The following MYT1L variants were observed in gnomAD, a reference collection of about 807,000 sequenced individuals.
MYT1L encodes the protein myelin transcription factor 1-like protein.
Under a neutral mutation model 126.7 loss-of-function variants are expected in MYT1L, and 12 were observed. The observed-to-expected ratio is 0.09, with a 90% CI of 0.06 to 0.15. MYT1L has a LOEUF of 0.15. MYT1L is among the 10% of genes least tolerant of loss of function. The pLI, the probability that MYT1L is intolerant of heterozygous loss-of-function variation, is 1.00. For missense variants in MYT1L, 979 were observed against 1,585.2 expected, an observed-to-expected ratio of 0.62 and a Z score of 6.49; for synonymous variants, 541 against 604.2, an observed-to-expected ratio of 0.90 and a Z score of 1.53.
intron 8 of MYT1L, among the ~76,000 whole-genome samples, chr2:1,949,252 T>C (rs541070110): frequency 6.6e-6 from 1 of 152,218 alleles, no homozygotes; most frequent in South Asian, 2.1e-4. Context: ...CCAAGACACT[T>C]TGGGTAGAGT....
chr2:1,924,858 T>A (rs904477143), intron 9 of MYT1L, among the ~76,000 whole-genome samples: 3 of 152,186 alleles, frequency 2.0e-5, no homozygotes, highest in African/African-American at 7.2e-5. Flanking sequence ...GAAGTATTAA[T>A]CTCCAACATA....
intron 13 of MYT1L, among the ~76,000 whole-genome samples, chr2:1,905,223 T>C (rs1233510149): frequency 6.6e-6 from 1 of 152,060 alleles, no homozygotes; most frequent in Non-Finnish European, 1.5e-5. Context: ...AAGCAGAGAG[T>C]TTCTTGTTGA....
intron 4 of MYT1L, among the ~76,000 whole-genome samples, chr2:2,011,456 T>C (rs773866666): frequency 6.6e-6 from 1 of 150,880 alleles, no homozygotes; most frequent in Non-Finnish European, 1.5e-5. Flanking sequence ...ACTATACAAC[T>C]CTCAGATTTG....
chr2:2,009,758 C>T (rs897529805), intron 4 of MYT1L, among the ~76,000 whole-genome samples: 7 of 152,102 alleles, frequency 4.6e-5, no homozygotes, highest in African/African-American at 1.2e-4. Flanking sequence ...ATAGAAGTGG[C>T]GAGAGAGGGC....
chr2:2,004,261 T>C (rs1461338636), intron 4 of MYT1L, among the ~76,000 whole-genome samples: 1 of 141,916 alleles, frequency 7.0e-6, no homozygotes, highest in Admixed American at 7.0e-5. Context: ...CTGCAGGCGT[T>C]CTTTCCTGCA....
chr2:1,882,218 C>T (rs376670046), intron 18 of MYT1L, among the ~76,000 whole-genome samples: 27 of 152,264 alleles, frequency 1.8e-4, no homozygotes, highest in Admixed American at 5.2e-4. Flanking sequence ...GAGCTCAATC[C>T]CCGTGCCCTG....
chr2:2,289,136 G>T (rs900811027), intron 1 of MYT1L, among the ~76,000 whole-genome samples: 6 of 152,150 alleles, frequency 3.9e-5, no homozygotes, highest in Admixed American at 2.6e-4. Context: ...AGCAGAGTAA[G>T]ACTGAAGACA....
At chr2:1,962,291 A>G (rs1193631710) in intron 8 of MYT1L, among the ~76,000 whole-genome samples, 1 of 152,278 alleles carries the variant, frequency 6.6e-6, no homozygotes, top group East Asian at 1.9e-4. Context: ...AAATAAATAC[A>G]TAAATATTTG....
intron 3 of MYT1L, among the ~76,000 whole-genome samples, chr2:2,080,145 A>G (rs893404106): frequency 2.6e-5 from 4 of 152,216 alleles, no homozygotes; most frequent in Admixed American, 6.5e-5. Flanking sequence ...TTGGACAGGT[A>G]TCACACCATA....
intron 14 of MYT1L, 67 bp downstream of exon 14, chr2:1,903,013 G>A (rs1442374979): frequency 7.0e-7 from 1 of 1,420,524 alleles, no homozygotes; most frequent in Admixed American, 1.7e-5. Flanking sequence ...GTAGGACATT[G>A]ATATACACAA....
At chr2:2,182,680 C>T (rs369156801) in intron 2 of MYT1L, among the ~76,000 whole-genome samples, 2 of 152,288 alleles carry the variant, frequency 1.3e-5, no homozygotes, top group South Asian at 2.1e-4. Context: ...AAGGCATGCT[C>T]TCTTTTTCAT....
intron 21 of MYT1L, among the ~76,000 whole-genome samples, chr2:1,834,442 T>C (rs751434586): frequency 1.3e-5 from 2 of 152,248 alleles, no homozygotes; most frequent in Non-Finnish European, 2.9e-5. Flanking sequence ...TCTATTAAAA[T>C]TGATGAAGGC....
intron 4 of MYT1L, among the ~76,000 whole-genome samples, chr2:2,031,084 C>A (rs2149915061): frequency 6.6e-6 from 1 of 152,340 alleles, no homozygotes; most frequent in South Asian, 2.1e-4. Flanking sequence ...CTAATTTCAG[C>A]AAAACAACTC....
intron 21 of MYT1L, chr2:1,828,803 G>C (rs902062081): frequency 6.6e-6 from 1 of 152,100 alleles, no homozygotes; most frequent in African/African-American, 2.4e-5. Context: ...AAAATAAATA[G>C]AACAATTCAC....
intron 19 of MYT1L, 53 bp from the exon 20 acceptor site, chr2:1,840,896 C>CTTTTTTTTTTTTTTTTTTTTTT (rs1316416056): frequency 1.0e-6 from 1 of 962,120 alleles, no homozygotes; most frequent in African/African-American, 2.1e-5. Flanking sequence ...TTTCAGTGAG[C>CTTTTTTTTTTTTTTTTTTTTTT]TTTCTTTCTT....
intron 19 of MYT1L, among the ~76,000 whole-genome samples, chr2:1,850,582 T>C (rs1038812155): frequency 7.9e-5 from 12 of 152,174 alleles, no homozygotes; most frequent in Non-Finnish European, 1.8e-4. Context: ...ACCAAAACTT[T>C]AGTTGAGCTC....
At chr2:1,926,691 T>C (rs1199781697) in intron 9 of MYT1L, among the ~76,000 whole-genome samples, 2 of 152,190 alleles carry the variant, frequency 1.3e-5, no homozygotes, top group African/African-American at 4.8e-5. Context: ...GCCTGCTGAG[T>C]AGCTGGGACT....
At chr2:2,219,096 C>T (rs758020242) in intron 2 of MYT1L, among the ~76,000 whole-genome samples, 27 of 152,154 alleles carry the variant, frequency 1.8e-4, no homozygotes, top group Admixed American at 3.9e-4. Context: ...GATGTTGTCT[C>T]GCCGTCACAT....
intron 18 of MYT1L, among the ~76,000 whole-genome samples, chr2:1,858,247 T>A (rs12714316): frequency 0.017 from 2,634 of 152,302 alleles, 45 homozygotes; most frequent in Non-Finnish European, 0.03. Flanking sequence ...AATAAAGACA[T>A]TTCAAATAGG....
Sources: allele counts gnomAD v4.1 joint callset (sites outside exome capture counted in the v4.1 genomes callset), GRCh38; gene constraint gnomAD v4.1.1; transcripts MANE v1.5; gene names NCBI Gene and HGNC (gene_info 2026-07-23, HGNC 2026-07-21).